Variants in SMARCD3 observed in about 807,000 individuals in gnomAD.
SMARCD3 encodes SWI/SNF related BAF chromatin remodeling complex subunit D3, also known as SWI/SNF-related matrix-associated actin-dependent regulator of chromatin subfamily D member 3.
Under a neutral mutation model 58.0 loss-of-function variants are expected in SMARCD3, and 14 were observed. The observed-to-expected ratio is 0.24, with a 90% CI of 0.16 to 0.38. The LOEUF is 0.38. Ranked by LOEUF, SMARCD3 falls within the 10% of genes least tolerant of loss-of-function variation. The pLI, the probability that SMARCD3 is intolerant of heterozygous loss-of-function variation, is 1.00. For synonymous variants in SMARCD3, 253 were observed against 253.8 expected (o/e 1.00, Z 0.03); for missense variants, 408 against 636.9 (o/e 0.64, Z 3.87).
chr7:151,240,298 A>C, intron 9 of SMARCD3, 51 bp from the exon 10 acceptor site: 1 of 1,609,402 alleles, frequency 6.2e-7, no homozygotes, highest in Non-Finnish European at 8.5e-7. Flanking sequence ...ATACGGCCCC[A>C]GGGCCCCGGG....
chr7:151,262,256 T>A (rs1438634869), intron 2 of SMARCD3, among the ~76,000 whole-genome samples: 3 of 151,922 alleles, frequency 2.0e-5, no homozygotes, highest in African/African-American at 7.3e-5. Flanking sequence ...AATTTTTAAA[T>A]TTTTTTGTAG....
chr7:151,275,904 G>A (rs1795325504), intron 1 of SMARCD3, among the ~76,000 whole-genome samples: 1 of 152,162 alleles, frequency 6.6e-6, no homozygotes, highest in Non-Finnish European at 1.5e-5. Context: ...TAGGAGCGGG[G>A]TGTGGGTGAC....
At chr7:151,257,324 G>A (rs993062319) in intron 2 of SMARCD3, among the ~76,000 whole-genome samples, 10 of 152,176 alleles carry the variant, frequency 6.6e-5, no homozygotes, top group African/African-American at 2.4e-4. Flanking sequence ...TGCAGCTCCC[G>A]CTGCTCCACT....
intron 2 of SMARCD3, among the ~76,000 whole-genome samples, chr7:151,259,065 C>A (rs1013659481): frequency 6.6e-6 from 1 of 151,902 alleles, no homozygotes; most frequent in African/African-American, 2.4e-5. Context: ...AGAACGTAAG[C>A]TCCAGGCCGG....
intron 2 of SMARCD3, among the ~76,000 whole-genome samples, chr7:151,264,472 T>C (rs1403040594): frequency 1.3e-5 from 2 of 152,092 alleles, no homozygotes; most frequent in African/African-American, 4.8e-5. Context: ...GAGAGCATGA[T>C]TGTAGGCCAT....
upstream of SMARCD3, among the ~76,000 whole-genome samples, chr7:151,250,613 T>G (rs1803482181): frequency 6.6e-6 from 1 of 151,802 alleles, no homozygotes; most frequent in African/African-American, 2.4e-5. Context: ...CAGGAAGCCT[T>G]CCTTCGTCCT....
chr7:151,248,786 A>C (rs1032983645), upstream of SMARCD3: 286 of 710,420 alleles, frequency 4.0e-4, no homozygotes, highest in Admixed American at 5.0e-4. This position sits in a 1 kb window ranked among gnomAD's most constrained non-coding sequence, Gnocchi z 6.1. Flanking sequence ...CGGCTGCCGC[A>C]TTCCTGCACT....
At chr7:151,262,606 C>CA (rs1175268930) in intron 2 of SMARCD3, among the ~76,000 whole-genome samples, 1 of 152,242 alleles carries the variant, frequency 6.6e-6, no homozygotes, top group Non-Finnish European at 1.5e-5. Flanking sequence ...CCCTTGAGAC[C>CA]TGGTGGTCAT....
At chr7:151,268,895 C>T (rs922310824) in intron 2 of SMARCD3, among the ~76,000 whole-genome samples, 21 of 152,120 alleles carry the variant, frequency 1.4e-4, no homozygotes, top group Non-Finnish European at 1.9e-4. Context: ...TGAACCACTG[C>T]GACTGGCCTA....
Position 151,242,566 on chromosome 7 carries a change from A to C in SMARCD3, c.494T>G (p.Phe165Cys). Residue 165 changes from phenylalanine (F) to cysteine (C), a missense_variant, in exon 5 of 13, where the codon TTT (phenylalanine) becomes TGT (cysteine). Transcript: ENST00000262188. The surrounding 1 kb of genome is among the most constrained non-coding windows in gnomAD (Gnocchi z 4.7). Reference protein sequence around the residue: ...RKLRLYISNTFNPAKPDAEDS... With the variant: ...RKLRLYISNTCNPAKPDAEDS... ...CTCAGCATCAGGCTTCGCAGGGTTA[A>C]AAGTGTTGGAGATATAGAGTCGCAG... 1 of 1,614,118 alleles carries C rather than the reference A, an allele frequency of 6.2e-7. No homozygotes were observed. Among genetic ancestry groups the C allele is most frequent in the African/African-American group, 1.3e-5 (1 of 75,024 alleles).
intron 2 of SMARCD3, among the ~76,000 whole-genome samples, chr7:151,265,165 A>T (rs2150612519): frequency 6.6e-6 from 1 of 152,310 alleles, no homozygotes; most frequent in African/African-American, 2.4e-5. Flanking sequence ...TCAGAATGTG[A>T]CCTTATTTGG....
At chr7:151,271,006 A>T (rs1012411969) in intron 2 of SMARCD3, among the ~76,000 whole-genome samples, 1 of 152,190 alleles carries the variant, frequency 6.6e-6, no homozygotes, top group Non-Finnish European at 1.5e-5. Flanking sequence ...CTGAGCCTCA[A>T]TATCACTGTT....
rs749953280 is a variant in SMARCD3, at chr7:151,241,713, C to T, written c.778-60G>A. ...GGAGAGAAAGGAAGGAGCCCAGGGC[C>T]AGGCCATTCAGGACTAGGGGGATGT... On this transcript the variant is annotated intron_variant, in intron 7 of 12. Transcript: ENST00000262188. The surrounding 1 kb of genome is among the most constrained non-coding windows in gnomAD (Gnocchi z 5.3). 4.0e-6 allele frequency: 6 copies of T among 1,502,024 alleles called. No individual in the cohort carries two copies. The highest frequency in any genetic ancestry group is 1.7e-4 in the Middle Eastern group (1 of 5,902). 93.0% of individuals were successfully genotyped at this position (1,502,024 alleles called of 1,614,324 possible).
upstream of SMARCD3, among the ~76,000 whole-genome samples, chr7:151,252,420 A>T (rs1055254556): frequency 1.6e-4 from 21 of 134,896 alleles, no homozygotes; most frequent in African/African-American, 4.2e-4. Flanking sequence ...GGCCTGAGTG[A>T]GTGTGTGTGT....
rs1802992613 is a variant in SMARCD3 at position 151,241,665 on chromosome 7, G to A, written c.778-12C>T. 1 of 1,607,060 alleles carries A rather than the reference G, an allele frequency of 6.2e-7. No homozygotes were observed. Among genetic ancestry groups the A allele is most frequent in the South Asian group, 1.1e-5 (1 of 90,072 alleles). ...TTGAACTGGGGAGGCTGGGAAAAGGGGACTGTGAAAGTTAGACCAAAGGGA... is the reference window on the plus strand; with the variant it reads ...TTGAACTGGGGAGGCTGGGAAAAGGAGACTGTGAAAGTTAGACCAAAGGGA... On this transcript the variant is annotated splice_polypyrimidine_tract_variant and intron_variant, in intron 7 of 12. Coordinates refer to ENST00000262188, the MANE Select transcript of SMARCD3 (RefSeq NM_001003801.2). The surrounding 1 kb of genome is among the most constrained non-coding windows in gnomAD (Gnocchi z 5.3).
chr7:151,251,408 AC>A (rs1803504848), upstream of SMARCD3, among the ~76,000 whole-genome samples: 1 of 152,170 alleles, frequency 6.6e-6, no homozygotes, highest in African/African-American at 2.4e-5. Context: ...GAGCACCTCC[AC>A]ATCCCGTGGT....
At position 151,242,088 on chromosome 7, in the gene SMARCD3, G is replaced by A; in HGVS notation, c.675+49C>T. 1 of 1,548,534 alleles carries A rather than the reference G, an allele frequency of 6.5e-7. No individual in the cohort carries two copies. The highest frequency in any genetic ancestry group is 8.9e-7 in the Non-Finnish European group (1 of 1,120,348). On this transcript the variant is annotated intron_variant, in intron 6 of 12. Coordinates refer to ENST00000262188, the MANE Select transcript of SMARCD3 (RefSeq NM_001003801.2). This position sits in a 1 kb window ranked among gnomAD's most constrained non-coding sequence, Gnocchi z 4.7. ...TCTGTGCTGGTTCTTCAGGGATTCT[G>A]GCCTGTGGGAGGGTGGCAATTCAAG... is the stretch of plus-strand genomic sequence containing the variant.
chr7:151,267,644 C>T (rs1275967459), intron 2 of SMARCD3, among the ~76,000 whole-genome samples: 2 of 152,172 alleles, frequency 1.3e-5, no homozygotes, highest in African/African-American at 4.8e-5. Flanking sequence ...AAAGACTCTG[C>T]ATTTTGTTTA....
At chr7:151,259,540 C>T (rs962099536) in intron 2 of SMARCD3, among the ~76,000 whole-genome samples, 2 of 149,440 alleles carry the variant, frequency 1.3e-5, no homozygotes, top group East Asian at 2.0e-4. Flanking sequence ...GAGCCCACTC[C>T]AAGCCCGTTC....
Sources: gnomAD v4.1 joint callset for allele counts (sites outside exome capture counted in the v4.1 genomes callset) on GRCh38, gnomAD v4.1.1 for gene constraint, Gnocchi (gnomAD v3.1) non-coding constraint, MANE v1.5 for transcripts, NCBI Gene and HGNC (gene_info 2026-07-23, HGNC 2026-07-21) for gene names.